SREBF1: variants seen among roughly 807,000 people sequenced by gnomAD.
SREBF1 encodes the protein sterol regulatory element binding transcription factor 1.
A neutral mutation model predicts 100.1 loss-of-function variants in SREBF1; 45 were observed. That is an observed-to-expected ratio of 0.45 (90% CI 0.35 to 0.58). The LOEUF (loss-of-function observed/expected upper bound fraction) is 0.58, where lower values mean the gene tolerates loss of function less well. Ranked by LOEUF, SREBF1 falls within the 20% of genes least tolerant of loss-of-function variation. The probability of loss-of-function intolerance (pLI) is 0.00; values close to 1 mark genes in which losing one functional copy is unlikely to be tolerated. For missense variants in SREBF1, 1,324 were observed against 1,539.4 expected (o/e 0.86, Z 2.34); for synonymous variants, 657 against 681.8 (o/e 0.96, Z 0.57).
At position 17,817,735 on chromosome 17, in the gene SREBF1, A is replaced by G; in HGVS notation, c.1365T>C (p.Ser455=). ...AGACTGGGCTGTCAGGCTCCGAGTC[A>G]CTGCCACTGCCACCGCTGCCACTGC... ...SRGSGSGGSG[S]DSEPDSPVFE... Residue 455 remains serine, a synonymous_variant, in exon 7 of 19, where the codon AGT becomes AGC. Coordinates refer to ENST00000261646, the MANE Select transcript of SREBF1 (RefSeq NM_004176.5). The surrounding 1 kb of genome is among the most constrained non-coding windows in gnomAD (Gnocchi z 6.6). 1 of 1,613,442 alleles carries G rather than the reference A, an allele frequency of 6.2e-7. No individual in the cohort carries two copies. Among genetic ancestry groups the G allele is most frequent in the Non-Finnish European group, 8.5e-7 (1 of 1,179,960 alleles).
chr17:17,826,376 T>C (rs1476592831), intron 1 of SREBF1, among the ~76,000 whole-genome samples: 2 of 151,904 alleles, frequency 1.3e-5, no homozygotes, highest in Admixed American at 6.6e-5. Context: ...AGAGCCTCTC[T>C]TGCCTCCCCT....
intron 6 of SREBF1, 147 bp from the exon 7 acceptor site, chr17:17,818,063 G>A (rs1436337053): frequency 1.1e-6 from 1 of 928,424 alleles, no homozygotes; most frequent in East Asian, 2.6e-5. Flanking sequence ...GCCAAAGGGA[G>A]GCACCAGGTC....
Position 17,816,334 on chromosome 17 carries a change from G to T in SREBF1, c.2087C>A (p.Ala696Glu). 1 of 1,586,048 alleles carries T rather than the reference G, an allele frequency of 6.3e-7. No homozygotes were observed. Among genetic ancestry groups the T allele is most frequent in the Non-Finnish European group, 8.6e-7 (1 of 1,168,604 alleles). The change falls in exon 11 of 19, where the codon GCG becomes GAG. Residue 696 changes from alanine (A) to glutamate (E), a missense_variant. Physicochemically the swap from Ala to Glu is moderately radical, Grantham distance 107. Transcript: ENST00000261646. ...CTCTGCCAGGTTCAGGGCACTCAGC[G>T]CCAGGTTGGTGGCAGTGAGGTGCCC... is the stretch of plus-strand genomic sequence containing the variant. ...TGGHLTATNLALSALNLAECA... is the reference protein window; with the variant it reads ...TGGHLTATNLELSALNLAECA...
Position 17,824,881 on chromosome 17 carries a change from G to A in SREBF1, c.92-4360C>T, listed in dbSNP as rs968882778. Among the ~76,000 whole-genome samples, 3 of 152,162 alleles carry A rather than the reference G, an allele frequency of 2.0e-5. No homozygotes were observed. In the East Asian group the frequency reaches 5.8e-4, roughly 29 times the overall value. ...AACCTGTCCTCGCCACCGCCGTCCA[G>A]CCCAGGCCCTTATTTCCCAGCTTTG... On this transcript the variant is annotated intron_variant, in intron 1 of 18. Coordinates refer to ENST00000261646, the MANE Select transcript of SREBF1 (RefSeq NM_004176.5). The surrounding 1 kb of genome is among the most constrained non-coding windows in gnomAD (Gnocchi z 4.2).
rs920839534 is a variant in SREBF1, at chr17:17,819,054, T to C, written c.1027A>G (p.Ile343Val). 1 of 1,613,984 alleles carries C rather than the reference T, an allele frequency of 6.2e-7. No individual in the cohort carries two copies. Among genetic ancestry groups the C allele is most frequent in the Non-Finnish European group, 8.5e-7 (1 of 1,180,044 alleles). Residue 343 changes from isoleucine (I) to valine (V), a missense_variant, in exon 5 of 19, where the codon ATC becomes GTC. By Grantham distance (29) the Ile-to-Val change is conservative. Coordinates refer to ENST00000261646, the MANE Select transcript of SREBF1 (RefSeq NM_004176.5). The stretch of plus-strand genomic sequence containing the variant: ...ACCACCAGATCCTTGAGCTCAATGA[T>C]TTTGTCATTGATGGAGGAGCGGTAG... ...KRYRSSINDK[I>V]IELKDLVVGT...
chr17:17,815,701 C>T (rs913113422), intron 12 of SREBF1, 159 bp downstream of exon 12: 10 of 753,474 alleles, frequency 1.3e-5, no homozygotes, highest in Non-Finnish European at 2.2e-5. Context: ...GAACGAGAGG[C>T]ACCCAGGCCT....
At chr17:17,818,788 C>T (rs1384552688) in intron 5 of SREBF1, 1 of 622,092 alleles carries the variant, frequency 1.6e-6, no homozygotes, top group Non-Finnish European at 2.8e-6. Flanking sequence ...TTTTGTCTGT[C>T]TTGTTCATTG....
rs1224129034 is a variant in SREBF1 at position 17,811,876 on chromosome 17, A to C, written c.*746T>G. ...CAGCCCAACCATGTGCCCTGGGAGC[A>C]GGGGGAACAGGTAGGCTGGAGGCCA... On this transcript the variant is annotated 3_prime_UTR_variant, in exon 19 of 19. Coordinates refer to ENST00000261646, the MANE Select transcript of SREBF1 (RefSeq NM_004176.5). The C allele has an allele frequency of 6.9e-6, 3 of 435,350 alleles. No individual in the cohort carries two copies. The highest frequency in any genetic ancestry group is 1.4e-5 in the Non-Finnish European group (3 of 218,964). 27.0% of individuals were successfully genotyped at this position (435,350 alleles called of 1,614,324 possible). A position where few individuals can be genotyped will look rare whatever the true frequency, so the allele number is the denominator to read the frequency against.
At chr17:17,823,442 G>T in intron 1 of SREBF1, 115 of 1,060,334 alleles carry the variant, frequency 1.1e-4, no homozygotes, top group Non-Finnish European at 1.5e-4. Context: ...TAGCCCGCAT[G>T]CCCGCCCACC....
chr17:17,812,669 G>A lies in SREBF1; in HGVS notation c.3397C>T (p.Gln1133Ter). The A allele has an allele frequency of 6.2e-7, 1 of 1,608,796 alleles. No individual in the cohort carries two copies. The highest frequency in any genetic ancestry group is 1.1e-5 in the South Asian group (1 of 90,252). Reference protein sequence around the residue: ...GDRRLLHDCQQMLMRLGGGTT... With the variant: ...GDRRLLHDCQ ...CCACCGCCCAGGCGCATGAGCATCT[G>A]CTGACAGTCGTGCAGCAGCCGGCGA... is the stretch of plus-strand genomic sequence containing the variant. Residue 1133 changes from glutamine to a stop codon, truncating the protein, a stop_gained, in exon 19 of 19, where the codon CAG becomes TAG. Transcript: ENST00000261646. LOFTEE classifies it high-confidence loss of function.
intron 1 of SREBF1, among the ~76,000 whole-genome samples, chr17:17,829,191 T>TAAAAA (rs1253225038): frequency 2.2e-5 from 1 of 44,942 alleles, no homozygotes; most frequent in African/African-American, 1.2e-4. Context: ...GACTCCATCT[T>TAAAAA]AAAAAAAAAA....
At position 17,836,792 on chromosome 17, in the gene SREBF1, G is replaced by A. The variant is rs778652136; in HGVS notation, c.26C>T (p.Ala9Val). 1 of 1,552,930 alleles carries A rather than the reference G, an allele frequency of 6.4e-7. No individual in the cohort carries two copies. The highest frequency in any genetic ancestry group is 1.2e-5 in the South Asian group (1 of 85,210). ...CTCGCCCAGCGCCTGCTCCAAAGCC[G>A]CCTCGCTGAAGGGTGGCTCGTCCAT... MDEPPFSE[A>V]ALEQALGEPC... Residue 9 changes from alanine to valine, a missense_variant, in exon 1 of 19, where the codon GCG becomes GTG. Coordinates refer to ENST00000261646, the MANE Select transcript of SREBF1 (RefSeq NM_004176.5).
At chr17:17,815,388 T>TA in intron 12 of SREBF1, 59 bp from the exon 13 acceptor site, 1 of 1,443,250 alleles carries the variant, frequency 6.9e-7, no homozygotes, top group South Asian at 1.1e-5. Flanking sequence ...CTCTCCAAGC[T>TA]AAGGGCTTTT....
intron 5 of SREBF1, 137 bp downstream of exon 5, chr17:17,818,875 TG>T: frequency 1.0e-6 from 1 of 995,140 alleles, no homozygotes; most frequent in Non-Finnish European, 1.6e-6. Flanking sequence ...TAAACGAGGC[TG>T]GCCAGGCCTG....
Position 17,816,513 on chromosome 17 carries a change from G to A in SREBF1, c.1991C>T (p.Ala664Val). 6.2e-7 allele frequency: 1 copy of A among 1,603,470 alleles called. No individual in the cohort carries two copies. Among genetic ancestry groups the A allele is most frequent in the Non-Finnish European group, 8.5e-7 (1 of 1,176,052 alleles). ...GACCAGGGCTGCGTCTCGGGCGCTG[G>A]CGCTAGCATCCACTCGCAGAGCACA... ...QDCALRVDAS[A>V]SARDAALVYH... is the part of the protein sequence containing the mutation. Residue 664 changes from alanine (A) to valine (V), a missense_variant, in exon 10 of 19, where the codon GCC becomes GTC. Transcript: ENST00000261646.
At chr17:17,830,533 C>T (rs2034794591) in intron 1 of SREBF1, among the ~76,000 whole-genome samples, 1 of 152,262 alleles carries the variant, frequency 6.6e-6, no homozygotes, top group Non-Finnish European at 1.5e-5. Context: ...CTGATCCCAG[C>T]CTTCTAGCTG....
Position 17,817,832 on chromosome 17 carries a change from T to C in SREBF1, c.1268A>G (p.Asp423Gly). 5.6e-6 allele frequency: 9 copies of C among 1,610,846 alleles called. No homozygotes were observed. The highest frequency in any genetic ancestry group is 1.3e-5 in the African/African-American group (1 of 74,972). Residue 423 changes from aspartate to glycine, a missense_variant, in exon 7 of 19, where the codon GAC becomes GGC. Coordinates refer to ENST00000261646, the MANE Select transcript of SREBF1 (RefSeq NM_004176.5). This position sits in a 1 kb window ranked among gnomAD's most constrained non-coding sequence, Gnocchi z 6.6. Reference protein sequence around the residue: ...LMEGVKTEVEDTLTPPPSDAG... With the variant: ...LMEGVKTEVEGTLTPPPSDAG... ...ATCCGAGGGGGGTGGGGTCAGTGTG[T>C]CCTCCACCTCAGTCTTCACGCCCTC...
In SREBF1 at chr17:17,817,460, G is replaced by A; in HGVS notation, c.1405-3C>T. Reference sequence around the variant, plus strand: ...GACGGCCGCTGCTCTGGCTTTGCCTGGTGGGGTTGGGCAGGGTGGTGAGGG... The same window carrying A: ...GACGGCCGCTGCTCTGGCTTTGCCTAGTGGGGTTGGGCAGGGTGGTGAGGG... On this transcript the variant is annotated splice_polypyrimidine_tract_variant and splice_region_variant and intron_variant, in intron 7 of 18. Coordinates refer to ENST00000261646, the MANE Select transcript of SREBF1 (RefSeq NM_004176.5). The surrounding 1 kb of genome is among the most constrained non-coding windows in gnomAD (Gnocchi z 6.6). 6.3e-7 allele frequency: 1 copy of A among 1,578,498 alleles called. No individual in the cohort carries two copies. The highest frequency in any genetic ancestry group is 8.6e-7 in the Non-Finnish European group (1 of 1,162,006).
chr17:17,823,718 C>A, intron 1 of SREBF1: 2 of 478,968 alleles, frequency 4.2e-6, no homozygotes, highest in Non-Finnish European at 5.6e-6. Context: ...GGTCCCGCCC[C>A]GCCCCGCCCT....
Sources: allele counts gnomAD v4.1 joint callset (sites outside exome capture counted in the v4.1 genomes callset), GRCh38; gene constraint gnomAD v4.1.1; non-coding constraint Gnocchi (gnomAD v3.1); transcripts MANE v1.5; gene names NCBI Gene and HGNC (gene_info 2026-07-23, HGNC 2026-07-21).